SLC4A5: variants seen among roughly 807,000 people sequenced by gnomAD.
The protein encoded by SLC4A5 is solute carrier family 4 member 5.
In SLC4A5, 96 loss-of-function variants were observed where a neutral mutation model predicts 120.4. The ratio of observed to expected loss-of-function variants is 0.80; its 90% CI spans 0.68 to 0.94. SLC4A5 has a LOEUF of 0.94. SLC4A5 is among the 40% of genes least tolerant of loss of function. The pLI is 0.00. For synonymous variants in SLC4A5, 550 were observed against 571.1 expected (o/e 0.96, Z 0.53); for missense variants, 1,259 against 1,459.5 (o/e 0.86, Z 2.24).
intron 6 of SLC4A5, 90 bp downstream of exon 6, chr2:74,314,855 G>T: frequency 8.2e-7 from 1 of 1,213,558 alleles, no homozygotes; most frequent in South Asian, 1.2e-5. Flanking sequence ...CTGCTCCCTA[G>T]ACTCTCCTGC....
intron 12 of SLC4A5, 79 bp from the exon 13 acceptor site, chr2:74,256,011 G>C: frequency 6.6e-7 from 1 of 1,517,282 alleles, no homozygotes; most frequent in Non-Finnish European, 9.0e-7. Context: ...AGACTGCTTT[G>C]AGGCCTAACT....
chr2:74,289,235 T>C (rs142310809), intron 7 of SLC4A5, among the ~76,000 whole-genome samples: 1 of 152,216 alleles, frequency 6.6e-6, no homozygotes, highest in South Asian at 2.1e-4. Context: ...GAGTTAGAAA[T>C]CATTTTACTA....
At chr2:74,341,749 C>T (rs915749185) in intron 2 of SLC4A5, among the ~76,000 whole-genome samples, 1 of 152,138 alleles carries the variant, frequency 6.6e-6, no homozygotes, top group African/African-American at 2.4e-5. Flanking sequence ...AAAGATGTTG[C>T]GGATTGCCCA....
chr2:74,312,794 G>A (rs1178785930), intron 6 of SLC4A5, among the ~76,000 whole-genome samples: 4 of 152,016 alleles, frequency 2.6e-5, no homozygotes, highest in Non-Finnish European at 5.9e-5. Context: ...ATAAACCAGC[G>A]TGGTGGTGGG....
rs376055946 is a variant in SLC4A5, at chr2:74,233,394, G to C, written c.2595+8C>G. 4.6e-5 allele frequency: 75 copies of C among 1,613,960 alleles called. No homozygotes were observed. The highest frequency in any genetic ancestry group is 6.1e-5 in the Non-Finnish European group (72 of 1,179,970). ...AGGTTATGCCTCTGCTCCTAGTACC[G>C]GCCTTACCTTCAGTTTGTTCTCCTT... On this transcript the variant is annotated splice_region_variant and intron_variant, in intron 23 of 30. Coordinates refer to ENST00000394019, the Ensembl canonical transcript of SLC4A5.
At chr2:74,264,920 A>G (rs1179107925) in intron 9 of SLC4A5, among the ~76,000 whole-genome samples, 184 bp downstream of exon 9, 1 of 152,152 alleles carries the variant, frequency 6.6e-6, no homozygotes, top group Admixed American at 6.6e-5. Context: ...GGAGGTCTAC[A>G]TGGTACTGAA....
intron 6 of SLC4A5, among the ~76,000 whole-genome samples, chr2:74,306,492 G>A (rs10173432): frequency 0.038 from 5,845 of 152,194 alleles, 390 homozygotes; most frequent in African/African-American, 0.13. Context: ...ATTCTCCAAA[G>A]TAAAACTGTC....
At chr2:74,279,191 G>T (rs1671735451) in intron 8 of SLC4A5, among the ~76,000 whole-genome samples, 1 of 152,182 alleles carries the variant, frequency 6.6e-6, no homozygotes, top group South Asian at 2.1e-4. Flanking sequence ...CTTCACTCCT[G>T]CCCTTCATGG....
At chr2:74,233,665 G>T in intron 22 of SLC4A5, 102 bp from the exon 23 acceptor site, 12 of 1,382,176 alleles carry the variant, frequency 8.7e-6, no homozygotes, top group Non-Finnish European at 1.2e-5. Flanking sequence ...CCCTGACTTT[G>T]GGTACTTTTC....
intron 7 of SLC4A5, among the ~76,000 whole-genome samples, chr2:74,294,519 A>G (rs2104215738): frequency 6.6e-6 from 1 of 152,314 alleles, no homozygotes; most frequent in East Asian, 1.9e-4. Flanking sequence ...TTAAAATCAA[A>G]CTGAACAGTT....
chr2:74,245,179 T>C (rs2103965105), intron 19 of SLC4A5, among the ~76,000 whole-genome samples: 1 of 152,040 alleles, frequency 6.6e-6, no homozygotes, highest in Middle Eastern at 3.4e-3. Context: ...ATTAGCTGGG[T>C]GTGGTGGTGC....
intron 7 of SLC4A5, among the ~76,000 whole-genome samples, chr2:74,294,285 C>T (rs1171063311): frequency 2.0e-5 from 3 of 152,150 alleles, no homozygotes; most frequent in African/African-American, 7.2e-5. Flanking sequence ...TCAGAAAGGC[C>T]CCGAGCATTA....
In SLC4A5 at chr2:74,219,914, G is replaced by C. The variant is rs572826542; in HGVS notation, c.*34-1122C>G. 3.9e-5 allele frequency among the ~76,000 whole-genome samples: 6 copies of C among 152,272 alleles called. No individual in the cohort carries two copies. The South Asian group carries it at 1.2e-3, about 32-fold the overall frequency. On this transcript the variant is annotated intron_variant, in intron 30 of 30. Transcript: ENST00000394019. ...ATCTTTGGGACTGCTGCTTAGGGAGGGTTGAACTGGGGAAAAGTGTGTCGT... is the reference window on the plus strand; with the variant it reads ...ATCTTTGGGACTGCTGCTTAGGGAGCGTTGAACTGGGGAAAAGTGTGTCGT...
intron 5 of SLC4A5, among the ~76,000 whole-genome samples, chr2:74,317,218 G>A (rs1393687318): frequency 6.6e-6 from 1 of 152,162 alleles, no homozygotes; most frequent in African/African-American, 2.4e-5. Flanking sequence ...CCCTTTACAA[G>A]AAATAAAGTC....
At chr2:74,304,039 C>T (rs1399236393) in intron 7 of SLC4A5, among the ~76,000 whole-genome samples, 3 of 151,688 alleles carry the variant, frequency 2.0e-5, no homozygotes, top group East Asian at 3.9e-4. Context: ...TTAGTAGAGA[C>T]GGGGTTTCAC....
intron 5 of SLC4A5, among the ~76,000 whole-genome samples, chr2:74,324,198 A>G (rs1673159681): frequency 6.6e-6 from 1 of 152,242 alleles, no homozygotes; most frequent in Admixed American, 6.5e-5. Context: ...ATTACACAAC[A>G]AAGAACCCTT....
At chr2:74,266,513 C>T (rs1225035321) in intron 8 of SLC4A5, among the ~76,000 whole-genome samples, 1 of 152,136 alleles carries the variant, frequency 6.6e-6, no homozygotes, top group Admixed American at 6.5e-5. Context: ...AAGTGATCAG[C>T]CCACCTTGGC....
At chr2:74,233,681 C>A in intron 22 of SLC4A5, 118 bp from the exon 23 acceptor site, 4 of 1,235,672 alleles carry the variant, frequency 3.2e-6, no homozygotes, top group Non-Finnish European at 4.4e-6. Flanking sequence ...TTTTCAAGTG[C>A]AATCTTTTCC....
At chr2:74,253,345 G>GGCCAGGTCTCCATATTCTT (rs1670853753) in intron 14 of SLC4A5, among the ~76,000 whole-genome samples, 1 of 152,310 alleles carries the variant, frequency 6.6e-6, no homozygotes, top group Middle Eastern at 3.4e-3. Flanking sequence ...TGGATCTGAA[G>GGCCAGGTCTCCATATTCTT]GCCAGGTCTC....
Sources: gnomAD v4.1 joint callset for allele counts (sites outside exome capture counted in the v4.1 genomes callset) on GRCh38, gnomAD v4.1.1 for gene constraint, MANE v1.5 for transcripts, NCBI Gene and HGNC (gene_info 2026-07-23, HGNC 2026-07-21) for gene names.